The following ZNF704 variants were observed in gnomAD, a reference collection of about 807,000 sequenced individuals.
The protein encoded by ZNF704 is zinc finger protein 704, also known as glucocorticoid induced gene 1.
In ZNF704, 10 loss-of-function variants were observed where a neutral mutation model predicts 44.7. The ratio of observed to expected loss-of-function variants is 0.22; its 90% CI spans 0.14 to 0.38. ZNF704 has a LOEUF of 0.38. Among genes scored for constraint, ZNF704 ranks in the 10% least tolerant of loss-of-function variants. ZNF704 has a pLI of 1.00. For synonymous variants in ZNF704, 211 were observed against 207.6 expected (o/e 1.02, Z -0.14); for missense variants, 390 against 545.5 (o/e 0.71, Z 2.84).
chr8:80,713,060 T>C (rs539959539), intron 2 of ZNF704, among the ~76,000 whole-genome samples: 1 of 152,138 alleles, frequency 6.6e-6, no homozygotes, highest in Non-Finnish European at 1.5e-5. Context: ...CATGCCCGGC[T>C]AATTTTTTAT....
In ZNF704 at chr8:80,830,135, C is replaced by G. The variant is rs140210004; in HGVS notation, c.-21-8520G>C. ...AGGAGAGAGTAGAAAGCATATATAA[C>G]GTCGAGTCTTAAGAAGCTGGGCTCG... is the stretch of plus-strand genomic sequence containing the variant. On this transcript the variant is annotated intron_variant, in intron 1 of 8. Coordinates refer to ENST00000327835, the MANE Select transcript of ZNF704 (RefSeq NM_001033723.3). 2.4e-3 allele frequency among the ~76,000 whole-genome samples: 358 copies of G among 151,984 alleles called. 3 individuals are homozygous for G. The highest frequency in any genetic ancestry group is 8.3e-3 in the African/African-American group (342 of 41,450).
At chr8:80,751,359 G>A (rs1043014877) in intron 2 of ZNF704, among the ~76,000 whole-genome samples, 1 of 152,122 alleles carries the variant, frequency 6.6e-6, no homozygotes, top group Non-Finnish European at 1.5e-5. Flanking sequence ...TCTAACCTGT[G>A]GGCCTGAAGT....
chr8:80,669,575 A>G (rs1285098665), intron 5 of ZNF704, among the ~76,000 whole-genome samples: 2 of 152,216 alleles, frequency 1.3e-5, no homozygotes, highest in African/African-American at 4.8e-5. Context: ...CCTTCTGCCT[A>G]TATCACTTGT....
intron 2 of ZNF704, among the ~76,000 whole-genome samples, chr8:80,694,830 A>G (rs1014125997): frequency 6.6e-6 from 1 of 152,204 alleles, no homozygotes; most frequent in Non-Finnish European, 1.5e-5. Flanking sequence ...TTTCTTCAAT[A>G]ATTCTTCTCA....
intron 1 of ZNF704, among the ~76,000 whole-genome samples, chr8:80,857,965 T>G (rs933212827): frequency 6.6e-6 from 1 of 152,214 alleles, no homozygotes; most frequent in Non-Finnish European, 1.5e-5. Flanking sequence ...ATCCTATTAC[T>G]TCATGTGGTC....
At chr8:80,722,006 G>A (rs1819173934) in intron 2 of ZNF704, among the ~76,000 whole-genome samples, 1 of 152,166 alleles carries the variant, frequency 6.6e-6, no homozygotes, top group Admixed American at 6.5e-5. Flanking sequence ...GGAGGCAGAG[G>A]TAGAAGGATG....
intron 2 of ZNF704, among the ~76,000 whole-genome samples, chr8:80,811,127 T>C (rs1034567050): frequency 3.9e-5 from 6 of 152,184 alleles, no homozygotes; most frequent in South Asian, 2.1e-4. Flanking sequence ...TCACTAGCCA[T>C]GTGTGGCTAT....
At chr8:80,842,545 T>A (rs929099076) in intron 1 of ZNF704, among the ~76,000 whole-genome samples, 3 of 152,080 alleles carry the variant, frequency 2.0e-5, no homozygotes, top group Admixed American at 6.5e-5. Flanking sequence ...AACAGAACAG[T>A]ATGGGCCACC....
intron 4 of ZNF704, among the ~76,000 whole-genome samples, chr8:80,686,763 C>G (rs1818544758): frequency 6.6e-6 from 1 of 151,960 alleles, no homozygotes; most frequent in African/African-American, 2.4e-5. Flanking sequence ...TATATCTCAG[C>G]TTTTATGTAT....
chr8:80,650,607 G>A (rs1817902084), intron 7 of ZNF704, among the ~76,000 whole-genome samples: 2 of 152,046 alleles, frequency 1.3e-5, no homozygotes, highest in South Asian at 4.1e-4. Context: ...GAGAAGAGAA[G>A]TTTAGACAAA....
chr8:80,862,975 C>T (rs1490488278), intron 1 of ZNF704, among the ~76,000 whole-genome samples: 1 of 151,600 alleles, frequency 6.6e-6, no homozygotes, highest in Non-Finnish European at 1.5e-5. Flanking sequence ...CCACTGTCAC[C>T]TCCTCTTTCC....
At chr8:80,736,881 C>A (rs1343761136) in intron 2 of ZNF704, among the ~76,000 whole-genome samples, 1 of 151,798 alleles carries the variant, frequency 6.6e-6, no homozygotes, top group Non-Finnish European at 1.5e-5. Flanking sequence ...GTGCTTGTGT[C>A]CCATCCCAAA....
chr8:80,824,217 T>A (rs1048487531), intron 1 of ZNF704, among the ~76,000 whole-genome samples: 8 of 152,040 alleles, frequency 5.3e-5, no homozygotes, highest in African/African-American at 1.9e-4. Context: ...ATAAACAGTG[T>A]AAAGAAGACC....
At chr8:80,803,223 G>A (rs1807931507) in intron 2 of ZNF704, among the ~76,000 whole-genome samples, 1 of 152,190 alleles carries the variant, frequency 6.6e-6, no homozygotes, top group Non-Finnish European at 1.5e-5. Context: ...CATGCTCATG[G>A]ATAGGAAGAA....
chr8:80,650,423 A>C (rs1817898876), intron 7 of ZNF704, among the ~76,000 whole-genome samples: 1 of 152,208 alleles, frequency 6.6e-6, no homozygotes, highest in Non-Finnish European at 1.5e-5. Context: ...ATTGAAAAAA[A>C]TTTAGACGAA....
intron 1 of ZNF704, among the ~76,000 whole-genome samples, chr8:80,827,293 C>T (rs1808394865): frequency 6.6e-6 from 1 of 151,526 alleles, no homozygotes; most frequent in Non-Finnish European, 1.5e-5. Flanking sequence ...AGACAAACAG[C>T]CAAATCATGA....
intron 2 of ZNF704, among the ~76,000 whole-genome samples, chr8:80,779,572 T>C (rs1055645297): frequency 6.6e-5 from 10 of 152,172 alleles, no homozygotes; most frequent in African/African-American, 2.2e-4. Flanking sequence ...AATCAATGTA[T>C]AAAGAATGAC....
chr8:80,682,207 G>A (rs920117634), intron 4 of ZNF704, among the ~76,000 whole-genome samples: 1 of 152,188 alleles, frequency 6.6e-6, no homozygotes, highest in African/African-American at 2.4e-5. Context: ...TCTTGGAGCA[G>A]CCATTCACAA....
chr8:80,676,191 T>G (rs537065916), intron 4 of ZNF704, among the ~76,000 whole-genome samples: 4 of 151,762 alleles, frequency 2.6e-5, no homozygotes, highest in African/African-American at 9.7e-5. Context: ...GACTGGAGAG[T>G]AAGTGGGATT....
Sources: gnomAD v4.1 joint callset for allele counts (sites outside exome capture counted in the v4.1 genomes callset) on GRCh38, gnomAD v4.1.1 for gene constraint, MANE v1.5 for transcripts, NCBI Gene and HGNC (gene_info 2026-07-23, HGNC 2026-07-21) for gene names.